The following TRDMT1 variants were observed in gnomAD, a reference collection of about 807,000 sequenced individuals.
TRDMT1 encodes the protein tRNA aspartic acid methyltransferase 1.
TRDMT1 carries 49 observed loss-of-function variants against 51.2 expected under a neutral mutation model. The ratio of observed to expected loss-of-function variants is 0.96; its 90% CI spans 0.76 to 1.21. The LOEUF (loss-of-function observed/expected upper bound fraction) is 1.21, where lower values mean the gene tolerates loss of function less well. Ranked by LOEUF, TRDMT1 falls within the 50% of genes most tolerant of loss-of-function variation. The pLI is 0.00. For synonymous variants in TRDMT1, 187 were observed against 164.6 expected, an observed-to-expected ratio of 1.14 and a Z score of -1.04; for missense variants, 534 against 462.3, an observed-to-expected ratio of 1.16 and a Z score of -1.42.
intron 2 of TRDMT1, among the ~76,000 whole-genome samples, chr10:17,172,996 T>C (rs1842215254): frequency 1.3e-5 from 2 of 152,164 alleles, no homozygotes; most frequent in Admixed American, 1.3e-4. Flanking sequence ...TATAGATATT[T>C]AGATATTTAA....
At position 17,157,429 on chromosome 10, in the gene TRDMT1, T is replaced by C; in HGVS notation, c.887+12A>G. 1.3e-6 allele frequency: 2 copies of C among 1,580,010 alleles called. No homozygotes were observed. The highest frequency in any genetic ancestry group is 1.7e-6 in the Non-Finnish European group (2 of 1,160,446). On this transcript the variant is annotated intron_variant, in intron 8 of 10. Coordinates refer to ENST00000377799, the MANE Select transcript of TRDMT1 (RefSeq NM_004412.7). ...ATTTTGGATACAGGATCAATAGATC[T>C]TTAAAACCTACCCTTTGGTAAAGCA...
At chr10:17,153,434 A>G (rs760692177) in intron 10 of TRDMT1, 73 bp downstream of exon 10, 18 of 1,568,288 alleles carry the variant, frequency 1.1e-5, no homozygotes, top group Non-Finnish European at 1.6e-5. Flanking sequence ...GGCAAGTCCT[A>G]GACACACAAG....
intron 1 of TRDMT1, among the ~76,000 whole-genome samples, chr10:17,189,461 A>G (rs924984251): frequency 2.0e-5 from 3 of 152,210 alleles, no homozygotes; most frequent in Non-Finnish European, 4.4e-5. Context: ...ACAGTTCAAA[A>G]TTAATGAAAA....
chr10:17,173,951 G>T (rs2131514829), intron 2 of TRDMT1, among the ~76,000 whole-genome samples: 1 of 152,164 alleles, frequency 6.6e-6, no homozygotes, highest in Non-Finnish European at 1.5e-5. Context: ...TTTTAGTAGA[G>T]ACCAGGTTTT....
rs1265739369 is a variant in TRDMT1 at position 17,145,823 on chromosome 10, G to A, written c.*3217C>T. 1.0e-6 allele frequency: 1 copy of A among 985,318 alleles called. No homozygotes were observed. The highest frequency in any genetic ancestry group is 1.7e-5 in the African/African-American group (1 of 57,252). 61.0% of individuals were successfully genotyped at this position (985,318 alleles called of 1,614,324 possible). On this transcript the variant is annotated 3_prime_UTR_variant, in exon 11 of 11. Coordinates refer to ENST00000377799, the MANE Select transcript of TRDMT1 (RefSeq NM_004412.7). ...GGCCTGCAGAATGCATCCTTTAGTA[G>A]GTGCTTGATATTAGATGAAATGTGG...
chr10:17,139,024 A>T lies in TRDMT1; in HGVS notation c.*10016T>A, dbSNP rs1837507047. 6.6e-6 allele frequency among the ~76,000 whole-genome samples: 1 copy of T among 152,326 alleles called. No homozygotes were observed. Among genetic ancestry groups the T allele is most frequent in the African/African-American group, 2.4e-5 (1 of 41,570 alleles). ...AGCAGAGGAGATACTAATTGCTAGG[A>T]TTAAAGGCTCCAAAAGCTAGTAAAA... On this transcript the variant is annotated 3_prime_UTR_variant, in exon 11 of 11. Transcript: ENST00000377799.
At chr10:17,154,579 G>A in intron 9 of TRDMT1, 98 bp downstream of exon 9, 1 of 700,504 alleles carries the variant, frequency 1.4e-6, no homozygotes, top group Non-Finnish European at 2.2e-6. Flanking sequence ...TATATTCATG[G>A]CCAGTTGAAT....
At chr10:17,194,527 T>A (rs971859273) in intron 1 of TRDMT1, among the ~76,000 whole-genome samples, 1 of 151,892 alleles carries the variant, frequency 6.6e-6, no homozygotes, top group Non-Finnish European at 1.5e-5. Context: ...TCAAAAGAAG[T>A]GGCCCATCAA....
Position 17,161,533 on chromosome 10 carries a change from T to C in TRDMT1, c.339A>G (p.Pro113=). The C allele has an allele frequency of 3.1e-6, 4 of 1,300,958 alleles. No individual in the cohort carries two copies. The highest frequency in any genetic ancestry group is 2.0e-4 in the Middle Eastern group (1 of 4,888). The allele number at this position is 1,300,958 out of a possible 1,614,324, so 80.6% of individuals were successfully genotyped here. ...TAACATTTTCCAAAAGAATATACTT[T>C]GGTAATTTTTGTAATCTATAAAAAA... ...LDILPRLQKL[P]KYILLENVKG... The change falls in exon 5 of 11, where the codon CCA becomes CCG. Residue 113 remains proline (P), a synonymous_variant. Coordinates refer to ENST00000377799, the MANE Select transcript of TRDMT1 (RefSeq NM_004412.7).
intron 1 of TRDMT1, among the ~76,000 whole-genome samples, chr10:17,200,798 C>A (rs1283832044): frequency 6.6e-6 from 1 of 152,128 alleles, no homozygotes; most frequent in Non-Finnish European, 1.5e-5. Flanking sequence ...TTGATAATAT[C>A]TCGTGATGTC....
chr10:17,166,164 A>G (rs968746616), intron 3 of TRDMT1, among the ~76,000 whole-genome samples: 5 of 152,150 alleles, frequency 3.3e-5, no homozygotes, highest in African/African-American at 9.7e-5. Flanking sequence ...AATGTGGCAC[A>G]TATACACCAT....
intron 9 of TRDMT1, 56 bp downstream of exon 9, chr10:17,154,621 T>C (rs1839244430): frequency 1.4e-6 from 2 of 1,401,058 alleles, no homozygotes; most frequent in Non-Finnish European, 1.9e-6. Flanking sequence ...CTCAAAGTAT[T>C]AAACAATTTT....
chr10:17,185,193 G>A (rs1370205068), intron 1 of TRDMT1, among the ~76,000 whole-genome samples: 3 of 152,128 alleles, frequency 2.0e-5, no homozygotes, highest in Non-Finnish European at 4.4e-5. Flanking sequence ...TATTATTATT[G>A]AAAGTGCAAA....
chr10:17,166,777 G>C (rs1841273761), intron 3 of TRDMT1, among the ~76,000 whole-genome samples: 1 of 152,206 alleles, frequency 6.6e-6, no homozygotes, highest in Non-Finnish European at 1.5e-5. Flanking sequence ...AGACAAGGGG[G>C]AGGTGGGAGT....
At chr10:17,183,827 GA>G (rs1253941418) in intron 1 of TRDMT1, among the ~76,000 whole-genome samples, 1 of 151,920 alleles carries the variant, frequency 6.6e-6, no homozygotes, top group African/African-American at 2.4e-5. Context: ...ACAACAAAAG[GA>G]AAGTAACAAG....
In TRDMT1 at chr10:17,146,247, T is replaced by C. The variant is rs78387850; in HGVS notation, c.*2793A>G. The C allele has an allele frequency of 0.015, 15,153 of 985,446 alleles. 154 individuals are homozygous for C. Among genetic ancestry groups the C allele is most frequent in the Non-Finnish European group, 0.017 (14,150 of 829,928 alleles). The allele number at this position is 985,446 out of a possible 1,614,324, so 61.0% of individuals were successfully genotyped here. A position where few individuals can be genotyped will look rare whatever the true frequency, so the allele number is the denominator to read the frequency against. On this transcript the variant is annotated 3_prime_UTR_variant, in exon 11 of 11. Transcript: ENST00000377799. ...TACTGTTTTTGCCTCTTTAGAAGGC[T>C]CTCCTTTTTGAGGAAGAATAAGTTG... is the stretch of plus-strand genomic sequence containing the variant.
At chr10:17,192,384 T>C (rs1844804033) in intron 1 of TRDMT1, among the ~76,000 whole-genome samples, 1 of 152,174 alleles carries the variant, frequency 6.6e-6, no homozygotes. Flanking sequence ...AATACCTGCC[T>C]AATAGAAATA....
In TRDMT1 at chr10:17,139,271, ATATT is replaced by A; in HGVS notation, c.*9765_*9768del. The A allele has an allele frequency of 1.1e-6, 1 of 897,416 alleles. No homozygotes were observed. Among genetic ancestry groups the A allele is most frequent in the Non-Finnish European group, 1.3e-6 (1 of 749,586 alleles). The allele number at this position is 897,416 out of a possible 1,614,324, so 55.6% of individuals were successfully genotyped here. On this transcript the variant is annotated 3_prime_UTR_variant, in exon 11 of 11. Coordinates refer to ENST00000377799, the MANE Select transcript of TRDMT1 (RefSeq NM_004412.7). ...TCCCCAAACAAGGCGGTGAAGTTAA[ATATT>A]TAGACACCATTCATACGATAATCAA...
Position 17,143,023 on chromosome 10 carries a change from A to T in TRDMT1, c.*6017T>A, listed in dbSNP as rs1380900458. The T allele has an allele frequency of 1.0e-6, 1 of 985,370 alleles. No homozygotes were observed. The highest frequency in any genetic ancestry group is 1.2e-6 in the Non-Finnish European group (1 of 829,944). 61.0% of individuals were successfully genotyped at this position (985,370 alleles called of 1,614,324 possible). A position where few individuals can be genotyped will look rare whatever the true frequency, so the allele number is the denominator to read the frequency against. Reference sequence around the variant, plus strand: ...AGTTTTATTTGCGCTACTTTCCAAAAGCCAAAAGCCTATCCCAGAATTATT... The same window carrying T: ...AGTTTTATTTGCGCTACTTTCCAAATGCCAAAAGCCTATCCCAGAATTATT... On this transcript the variant is annotated 3_prime_UTR_variant, in exon 11 of 11. Coordinates refer to ENST00000377799, the MANE Select transcript of TRDMT1 (RefSeq NM_004412.7).
Sources: gnomAD v4.1 joint callset for allele counts (sites outside exome capture counted in the v4.1 genomes callset) on GRCh38, gnomAD v4.1.1 for gene constraint, MANE v1.5 for transcripts, NCBI Gene and HGNC (gene_info 2026-07-23, HGNC 2026-07-21) for gene names.